The following TLL2 variants were observed in gnomAD, a reference collection of about 807,000 sequenced individuals.
TLL2 encodes tolloid-like protein 2.
In TLL2, 106 loss-of-function variants were observed where a neutral mutation model predicts 123.0. The observed-to-expected ratio is 0.86, with a 90% CI of 0.74 to 1.01. TLL2 has a LOEUF of 1.01. TLL2 is among the 50% of genes least tolerant of loss of function. The pLI, the probability that TLL2 is intolerant of heterozygous loss-of-function variation, is 0.00. For synonymous variants in TLL2, 494 were observed against 516.8 expected (o/e 0.96, Z 0.60); for missense variants, 1,332 against 1,336.7 (o/e 1.00, Z 0.06).
intron 5 of TLL2, among the ~76,000 whole-genome samples, chr10:96,423,142 A>G (rs1008130359): frequency 1.2e-4 from 18 of 151,882 alleles, no homozygotes; most frequent in South Asian, 4.2e-4. Context: ...AAAAAAAAAA[A>G]AAAAGAAAAG....
At chr10:96,408,529 T>C (rs1846471498) in intron 9 of TLL2, among the ~76,000 whole-genome samples, 1 of 152,172 alleles carries the variant, frequency 6.6e-6, no homozygotes. Context: ...AGCAATTCAA[T>C]AATTTAGAAA....
At chr10:96,369,286 A>G (rs1189981370) in intron 20 of TLL2, among the ~76,000 whole-genome samples, 1 of 152,230 alleles carries the variant, frequency 6.6e-6, no homozygotes, top group Non-Finnish European at 1.5e-5. Flanking sequence ...CAAACACAAT[A>G]GGCCCACTAA....
intron 20 of TLL2, 76 bp from the exon 21 acceptor site, chr10:96,368,298 T>A: frequency 1.3e-6 from 2 of 1,552,790 alleles, no homozygotes; most frequent in Non-Finnish European, 1.8e-6. Flanking sequence ...TGGGACAGGA[T>A]CTTATGCAAG....
At chr10:96,490,601 T>A (rs1847403207) in intron 1 of TLL2, among the ~76,000 whole-genome samples, 1 of 152,242 alleles carries the variant, frequency 6.6e-6, no homozygotes, top group Non-Finnish European at 1.5e-5. Context: ...TACACCAAAA[T>A]TAATTTCAAA....
intron 1 of TLL2, among the ~76,000 whole-genome samples, chr10:96,489,713 C>A (rs1589435322): frequency 6.6e-6 from 1 of 152,028 alleles, no homozygotes; most frequent in Non-Finnish European, 1.5e-5. Context: ...TATATATAAG[C>A]ATAACATAAA....
chr10:96,459,688 AAAAAAAAAAAAAAAAAAATAT>A (rs1847055156), intron 2 of TLL2, among the ~76,000 whole-genome samples: 1 of 62,416 alleles, frequency 1.6e-5, no homozygotes, highest in Non-Finnish European at 3.3e-5. Context: ...AAAAAAAAAA[AAAAAAAAAAAAAAAAAAATAT>A]ATATATATAT....
At chr10:96,396,789 T>G (rs1384810198) in intron 11 of TLL2, among the ~76,000 whole-genome samples, 1 of 152,150 alleles carries the variant, frequency 6.6e-6, no homozygotes, top group Non-Finnish European at 1.5e-5. Flanking sequence ...GCCCAAAGTC[T>G]TCTTTTCACA....
chr10:96,429,080 T>A (rs1052111295), intron 4 of TLL2, among the ~76,000 whole-genome samples: 1 of 152,018 alleles, frequency 6.6e-6, no homozygotes, highest in Non-Finnish European at 1.5e-5. Flanking sequence ...TGGGATTACA[T>A]GCATGAGCCA....
intron 2 of TLL2, among the ~76,000 whole-genome samples, chr10:96,466,179 C>T (rs899944011): frequency 1.3e-5 from 2 of 152,088 alleles, no homozygotes; most frequent in African/African-American, 2.4e-5. Flanking sequence ...CAAGTAGTAG[C>T]GGGAGCTAGA....
At chr10:96,410,643 C>T (rs1474599933) in intron 8 of TLL2, 169 bp from the exon 9 acceptor site, 2 of 692,732 alleles carry the variant, frequency 2.9e-6, no homozygotes, top group Admixed American at 4.0e-5. Context: ...AACAAAAGCA[C>T]AAGTAGGACC....
At chr10:96,389,393 G>T (rs1338161919) in intron 13 of TLL2, among the ~76,000 whole-genome samples, 1 of 152,188 alleles carries the variant, frequency 6.6e-6, no homozygotes, top group Non-Finnish European at 1.5e-5. Context: ...CAATGATGGG[G>T]CAGTGAAAAG....
intron 2 of TLL2, among the ~76,000 whole-genome samples, chr10:96,458,803 A>G (rs1015742974): frequency 6.6e-6 from 1 of 152,014 alleles, no homozygotes; most frequent in African/African-American, 2.4e-5. Context: ...GTCAATAGAA[A>G]GGAAAATTTG....
chr10:96,477,653 T>C (rs936754851), intron 2 of TLL2, among the ~76,000 whole-genome samples: 4 of 152,242 alleles, frequency 2.6e-5, no homozygotes, highest in African/African-American at 9.6e-5. Context: ...ATATTCTTTC[T>C]TTTCATCCTC....
intron 18 of TLL2, among the ~76,000 whole-genome samples, chr10:96,376,007 G>A (rs1192476173): frequency 6.6e-6 from 1 of 152,176 alleles, no homozygotes; most frequent in Non-Finnish European, 1.5e-5. Context: ...ACTCTCCTTT[G>A]AAATAACTGT....
intron 17 of TLL2, among the ~76,000 whole-genome samples, chr10:96,377,060 A>G (rs1358279155): frequency 1.3e-5 from 2 of 151,954 alleles, no homozygotes; most frequent in African/African-American, 4.8e-5. Flanking sequence ...ATTCCTATCC[A>G]CATTGCAGTT....
Position 96,513,496 on chromosome 10 carries a change from A to G in TLL2, c.175+15T>C, listed in dbSNP as rs1847652336. 6.2e-7 allele frequency: 1 copy of G among 1,611,794 alleles called. No individual in the cohort carries two copies. Among genetic ancestry groups the G allele is most frequent in the Non-Finnish European group, 8.5e-7 (1 of 1,179,446 alleles). ...AGGCAAACTTCTGCGGGACTTCCCC[A>G]GCGGCGGCACCTACCGGCTTTGCAA... On this transcript the variant is annotated intron_variant, in intron 1 of 20. Transcript: ENST00000357947.
rs1185088674 is a variant in TLL2, at chr10:96,370,229, C to T, written c.2749G>A (p.Ala917Thr). The change falls in exon 20 of 21, where the codon GCC becomes ACC. Residue 917 changes from alanine (A) to threonine (T), a missense_variant. By Grantham distance (58) the Ala-to-Thr change is moderately conservative. Coordinates refer to ENST00000357947, the MANE Select transcript of TLL2 (RefSeq NM_012465.4). Reference sequence around the variant, plus strand: ...GCCACGATCACCCAGTCACAGCGGGCCTCGCTCGGGTAGTTGTTGTCCCCA... The same window carrying T: ...GCCACGATCACCCAGTCACAGCGGGTCTCGCTCGGGTAGTTGTTGTCCCCA... Reference protein sequence around the residue: ...QFGDNNYPSEARCDWVIVAED... With the variant: ...QFGDNNYPSETRCDWVIVAED... The T allele has an allele frequency of 1.9e-6, 3 of 1,613,800 alleles. No individual in the cohort carries two copies. The highest frequency in any genetic ancestry group is 1.7e-6 in the Non-Finnish European group (2 of 1,179,786).
intron 4 of TLL2, 64 bp from the exon 5 acceptor site, chr10:96,428,812 T>C: frequency 8.7e-7 from 1 of 1,149,782 alleles, no homozygotes; most frequent in Non-Finnish European, 1.3e-6. Flanking sequence ...GATGCTTTTT[T>C]TTTTCTTTCA....
In TLL2 at chr10:96,480,393, C is replaced by T; in HGVS notation, c.242G>A (p.Arg81Lys). 6.2e-7 allele frequency: 1 copy of T among 1,614,198 alleles called. No homozygotes were observed. Among genetic ancestry groups the T allele is most frequent in the Non-Finnish European group, 8.5e-7 (1 of 1,180,038 alleles). The part of the protein sequence containing the change: ...DLKLFHIDKA[R>K]DWTKQTVGAT... ...CCCCACTGTCTGCTTGGTCCAGTCT[C>T]TGGCTTTGTCAATGTGAAACAGCTT... Residue 81 changes from arginine to lysine, a missense_variant, in exon 2 of 21, where the codon AGA becomes AAA. Arg to Lys is a conservative substitution (Grantham distance 26). Coordinates refer to ENST00000357947, the MANE Select transcript of TLL2 (RefSeq NM_012465.4).
Sources: gnomAD v4.1 joint callset for allele counts (sites outside exome capture counted in the v4.1 genomes callset) on GRCh38, gnomAD v4.1.1 for gene constraint, MANE v1.5 for transcripts, NCBI Gene and HGNC (gene_info 2026-07-23, HGNC 2026-07-21) for gene names.